NR0B1: variants seen among roughly 807,000 people sequenced by gnomAD.
The protein encoded by NR0B1 is nuclear receptor subfamily 0 group B member 1.
NR0B1 carries 3 observed loss-of-function variants against 23.0 expected under a neutral mutation model. That is an observed-to-expected ratio of 0.13 (90% CI 0.06 to 0.34). The LOEUF (loss-of-function observed/expected upper bound fraction) is 0.34. Ranked by LOEUF, NR0B1 falls within the 10% of genes least tolerant of loss-of-function variation. The pLI is 1.00. For missense variants in NR0B1, 350 were observed against 402.9 expected (o/e 0.87, Z 1.12); for synonymous variants, 205 against 184.0 (o/e 1.11, Z -0.92).
At chrX:30,304,950 A>G (rs1926494194) in intron 1 of NR0B1, 127 bp from the exon 2 acceptor site, 1 of 789,218 alleles carries the variant, frequency 1.3e-6, no homozygotes, top group African/African-American at 2.1e-5. Flanking sequence ...TTAAAAGGGT[A>G]AAAGGCCAAA....
chrX:30,308,427 C>A lies in NR0B1; in HGVS notation c.937G>T (p.Glu313Ter). 1 of 1,201,699 alleles carries A rather than the reference C, an allele frequency of 8.3e-7. No homozygotes were observed. The highest frequency in any genetic ancestry group is 3.0e-5 in the East Asian group (1 of 33,271). The change falls in exon 1 of 2, where the codon GAG becomes TAG. Residue 313 changes from glutamate to a stop codon, truncating the protein, a stop_gained. Coordinates refer to ENST00000378970, the MANE Select transcript of NR0B1 (RefSeq NM_000475.5). LOFTEE classifies it high-confidence loss of function. ...AGGATCTTCTGCAGCATGCTGGGCT[C>A]CGAGACTTCCACAGTCTCGAACTGC... The part of the protein sequence containing the change: ...RLQFETVEVS[E>*]PSMLQKILTT...
At position 30,304,669 on chromosome X, in the gene NR0B1, G is replaced by C; in HGVS notation, c.1323C>G (p.Ala441=). 1 of 1,209,741 alleles carries C rather than the reference G, an allele frequency of 8.3e-7. No individual in the cohort carries two copies. The highest frequency in any genetic ancestry group is 3.0e-5 in the East Asian group (1 of 33,830). Residue 441 remains alanine, a synonymous_variant, in exon 2 of 2, where the codon GCC becomes GCG. Coordinates refer to ENST00000378970, the MANE Select transcript of NR0B1 (RefSeq NM_000475.5). ...TGAAGAACAGTTCAGCAATGACATTGGCATTGATGAATCTCAGCAGGAAAA... is the reference window on the plus strand; with the variant it reads ...TGAAGAACAGTTCAGCAATGACATTCGCATTGATGAATCTCAGCAGGAAAA... ...STLFLLRFIN[A]NVIAELFFRP...
Position 30,309,331 on chromosome X carries a change from G to A in NR0B1, c.33C>T (p.Ser11=), listed in dbSNP as rs1298440973. 1.7e-6 allele frequency: 2 copies of A among 1,202,575 alleles called. No individual in the cohort carries two copies. Among genetic ancestry groups the A allele is most frequent in the Non-Finnish European group, 2.2e-6 (2 of 893,900 alleles). MAGENHQWQG[S]ILYNMLMSAK... is the part of the protein sequence containing the mutation. ...CGCTCATAAGCATGTTGTAGAGGAT[G>A]CTGCCCTGCCACTGGTGGTTCTCGC... The change falls in exon 1 of 2, where the codon AGC becomes AGT. Residue 11 remains serine (S), a synonymous_variant. Transcript: ENST00000378970.
At chrX:30,306,866 C>T (rs1926529749) in intron 1 of NR0B1, among the ~76,000 whole-genome samples, 1 of 111,353 alleles carries the variant, frequency 9.0e-6, no homozygotes, top group African/African-American at 3.3e-5. Context: ...ATATATAAGG[C>T]AGGAGCCTAG....
intron 1 of NR0B1, 134 bp from the exon 2 acceptor site, chrX:30,304,957 C>A (rs1013400614): frequency 1.5e-5 from 11 of 712,214 alleles, no homozygotes; most frequent in Non-Finnish European, 1.7e-5. Context: ...GGTAAAAGGC[C>A]AAACCAGTCT....
In NR0B1 at chrX:30,308,949, G is replaced by T. The variant is rs1178346768; in HGVS notation, c.415C>A (p.His139Asn). ...TAGAGGATGCTGCCCTGCCGCGGGT[G>T]GTCTTCACCACAAAAGCAGCAGCGG... Reference protein sequence around the residue: ...LYRCCFCGEDHPRQGSILYSL... With the variant: ...LYRCCFCGEDNPRQGSILYSL... Residue 139 changes from histidine (H) to asparagine (N), a missense_variant, in exon 1 of 2, where the codon CAC becomes AAC. By Grantham distance (68) the His-to-Asn change is moderately conservative. Transcript: ENST00000378970. 8.3e-7 allele frequency: 1 copy of T among 1,210,076 alleles called. No homozygotes were observed. Among genetic ancestry groups the T allele is most frequent in the Non-Finnish European group, 1.1e-6 (1 of 895,225 alleles).
chrX:30,306,214 C>T (rs1926514213), intron 1 of NR0B1, among the ~76,000 whole-genome samples: 1 of 111,123 alleles, frequency 9.0e-6, no homozygotes, highest in Admixed American at 9.6e-5. Context: ...GTGAAAACTT[C>T]ATCTTGTGTA....
At position 30,308,452 on chromosome X, in the gene NR0B1, C is replaced by T. The variant is rs369651645; in HGVS notation, c.912G>A (p.Leu304=). ...LLMLELAQDR[L]QFETVEVSEP... is the part of the protein sequence containing the mutation. Reference sequence around the variant, plus strand: ...CCGAGACTTCCACAGTCTCGAACTGCAAGCGGTCCTGGGCCAGCTCAAGCA... The same window carrying T: ...CCGAGACTTCCACAGTCTCGAACTGTAAGCGGTCCTGGGCCAGCTCAAGCA... Residue 304 remains leucine (L), a synonymous_variant, in exon 1 of 2, where the codon TTG becomes TTA. Coordinates refer to ENST00000378970, the MANE Select transcript of NR0B1 (RefSeq NM_000475.5). The T allele has an allele frequency of 8.3e-7, 1 of 1,200,762 alleles. No individual in the cohort carries two copies. The highest frequency in any genetic ancestry group is 1.1e-6 in the Non-Finnish European group (1 of 889,881).
In NR0B1 at chrX:30,306,455, C is replaced by T. The variant is rs761071324; in HGVS notation, c.1169-1632G>A. Among the ~76,000 whole-genome samples the T allele has an allele frequency of 5.4e-5, 6 of 111,899 alleles. No individual in the cohort carries two copies. The East Asian group carries it at 1.4e-3, about 26-fold the overall frequency. On this transcript the variant is annotated intron_variant, in intron 1 of 1. Transcript: ENST00000378970. ...GGATAAACAGCAAAGAGAGGCCACA[C>T]TCTTAATAGGCATTACCTTTCTCCC...
Position 30,304,627 on chromosome X carries a change from T to G in NR0B1, c.1365A>C (p.Thr455=). Residue 455 remains threonine (T), a synonymous_variant, in exon 2 of 2, where the codon ACA becomes ACC. Coordinates refer to ENST00000378970, the MANE Select transcript of NR0B1 (RefSeq NM_000475.5). ...CCAGCATCATATCATCCATGCTGAC[T>G]GTGCCGATGATGGGCCTGAAGAACA... ...AELFFRPIIG[T]VSMDDMMLEM... 5 of 1,210,443 alleles carry G rather than the reference T, an allele frequency of 4.1e-6. No individual in the cohort carries two copies. The highest frequency in any genetic ancestry group is 5.6e-6 in the Non-Finnish European group (5 of 894,293).
In NR0B1 at chrX:30,308,863, T is replaced by G; in HGVS notation, c.501A>C (p.Pro167=). ...AGGAGCGGTCCCACCACGCGCCCCCTGGCCGTGCCTCGGGCGCTGCCGGAG... is the reference window on the plus strand; with the variant it reads ...AGGAGCGGTCCCACCACGCGCCCCCGGGCCGTGCCTCGGGCGCTGCCGGAG... ...HVAPAAPEAR[P]GGAWWDRSYF... is the part of the protein sequence containing the mutation. The change falls in exon 1 of 2, where the codon CCA becomes CCC. Residue 167 remains proline (P), a synonymous_variant. Transcript: ENST00000378970. 8.5e-7 allele frequency: 1 copy of G among 1,170,872 alleles called. No individual in the cohort carries two copies. Among genetic ancestry groups the G allele is most frequent in the Non-Finnish European group, 1.1e-6 (1 of 875,749 alleles).
Position 30,309,055 on chromosome X carries a change from C to G in NR0B1, c.309G>C (p.Pro103=). 1.7e-6 allele frequency: 2 copies of G among 1,207,350 alleles called. No homozygotes were observed. Among genetic ancestry groups the G allele is most frequent in the Non-Finnish European group, 2.2e-6 (2 of 894,570 alleles). Reference sequence around the variant, plus strand: ...CAGAGCCGCACGAACAGCCCCAGCACGGACCCAGCGTCGCCTCGGGCGCCT... The same window carrying G: ...CAGAGCCGCACGAACAGCCCCAGCAGGGACCCAGCGTCGCCTCGGGCGCCT... The part of the protein sequence containing the change: ...APKAPEATLG[P]CWGCSCGSDP... Residue 103 remains proline, a synonymous_variant, in exon 1 of 2, where the codon CCG becomes CCC. Transcript: ENST00000378970.
rs765019150 is a variant in NR0B1, at chrX:30,308,684, G to A, written c.680C>T (p.Pro227Leu). The A allele has an allele frequency of 1.3e-5, 16 of 1,198,756 alleles. No individual in the cohort carries two copies. In the African/African-American group the frequency reaches 2.3e-4, roughly 17 times the overall value. Reference sequence around the variant, plus strand: ...CCAGGGGGCCCTCGGCCGCTCCTCCGGAGCCGCCTGCGCTTGATTTGTGCT... The same window carrying A: ...CCAGGGGGCCCTCGGCCGCTCCTCCAGAGCCGCCTGCGCTTGATTTGTGCT... Reference protein sequence around the residue: ...PTSTNQAQAAPEERPRAPWWD... With the variant: ...PTSTNQAQAALEERPRAPWWD... Residue 227 changes from proline to leucine, a missense_variant, in exon 1 of 2, where the codon CCG (proline) becomes CTG (leucine). By Grantham distance (98) the Pro-to-Leu change is moderately conservative. Coordinates refer to ENST00000378970, the MANE Select transcript of NR0B1 (RefSeq NM_000475.5).
At position 30,309,212 on chromosome X, in the gene NR0B1, C is replaced by G; in HGVS notation, c.152G>C (p.Arg51Thr). ...CSCGDEPGVG[R>T]EGLLGGRNVA... ...GTTCCGCCCGCCCAGCAGCCCCTCT[C>G]TGCCCACCCCGGGCTCATCGCCGCA... Residue 51 changes from arginine to threonine, a missense_variant, in exon 1 of 2, where the codon AGA becomes ACA. Coordinates refer to ENST00000378970, the MANE Select transcript of NR0B1 (RefSeq NM_000475.5). The G allele has an allele frequency of 8.3e-7, 1 of 1,210,202 alleles. No homozygotes were observed. Among genetic ancestry groups the G allele is most frequent in the Non-Finnish European group, 1.1e-6 (1 of 894,721 alleles).
At chrX:30,304,866 A>C (rs201485692) in intron 1 of NR0B1, 43 bp from the exon 2 acceptor site, 1 of 1,196,927 alleles carries the variant, frequency 8.4e-7, no homozygotes, top group East Asian at 3.0e-5. Flanking sequence ...AGCTCACCAC[A>C]GAGTCCTTTG....
chrX:30,308,426 T>C lies in NR0B1; in HGVS notation c.938A>G (p.Glu313Gly), dbSNP rs1926567303. 8.3e-7 allele frequency: 1 copy of C among 1,199,927 alleles called. No individual in the cohort carries two copies. Among genetic ancestry groups the C allele is most frequent in the South Asian group, 1.8e-5 (1 of 55,605 alleles). Residue 313 changes from glutamate to glycine, a missense_variant, in exon 1 of 2, where the codon GAG becomes GGG. Coordinates refer to ENST00000378970, the MANE Select transcript of NR0B1 (RefSeq NM_000475.5). ...RLQFETVEVS[E>G]PSMLQKILTT... ...GAGGATCTTCTGCAGCATGCTGGGC[T>C]CCGAGACTTCCACAGTCTCGAACTG...
rs775163498 is a variant in NR0B1, at chrX:30,304,551, C to G, written c.*28G>C. 19 of 1,205,341 alleles carry G rather than the reference C, an allele frequency of 1.6e-5. No individual in the cohort carries two copies. The highest frequency in any genetic ancestry group is 4.4e-5 in the Admixed American group (2 of 45,810). ...TATTCTTCCCTCATGGTGAACTGCACTACTGCACTTGTGTGGCCCACATGA... is the reference window on the plus strand; with the variant it reads ...TATTCTTCCCTCATGGTGAACTGCAGTACTGCACTTGTGTGGCCCACATGA... On this transcript the variant is annotated 3_prime_UTR_variant, in exon 2 of 2. Transcript: ENST00000378970.
chrX:30,308,831 G>A lies in NR0B1; in HGVS notation c.533C>T (p.Ala178Val). Reference sequence around the variant, plus strand: ...CGCCTCTTTACCCCCTGGCCTCTGCGCGAAGTAGGAGCGGTCCCACCACGC... The same window carrying A: ...CGCCTCTTTACCCCCTGGCCTCTGCACGAAGTAGGAGCGGTCCCACCACGC... Reference protein sequence around the residue: ...GGAWWDRSYFAQRPGGKEALP... With the variant: ...GGAWWDRSYFVQRPGGKEALP... Residue 178 changes from alanine to valine, a missense_variant, in exon 1 of 2, where the codon GCG becomes GTG. By Grantham distance (64) the Ala-to-Val change is moderately conservative. Coordinates refer to ENST00000378970, the MANE Select transcript of NR0B1 (RefSeq NM_000475.5). 3.4e-6 allele frequency: 4 copies of A among 1,166,313 alleles called. No homozygotes were observed. Among genetic ancestry groups the A allele is most frequent in the Non-Finnish European group, 4.6e-6 (4 of 873,142 alleles).
At chrX:30,304,953 A>G in intron 1 of NR0B1, 130 bp from the exon 2 acceptor site, 1 of 734,067 alleles carries the variant, frequency 1.4e-6, no homozygotes, top group South Asian at 2.5e-5. Flanking sequence ...AAAGGGTAAA[A>G]GGCCAAACCA....
Sources: gnomAD v4.1 joint callset for allele counts (sites outside exome capture counted in the v4.1 genomes callset) on GRCh38, gnomAD v4.1.1 for gene constraint, MANE v1.5 for transcripts, NCBI Gene and HGNC (gene_info 2026-07-23, HGNC 2026-07-21) for gene names.